Variants in PRR16 observed in about 807,000 individuals in gnomAD.
The protein encoded by PRR16 is proline rich 16, also known as protein Largen.
In PRR16, 6 loss-of-function variants were observed where a neutral mutation model predicts 18.2. The observed-to-expected ratio is 0.33, with a 90% confidence interval of 0.18 to 0.65. The LOEUF (loss-of-function observed/expected upper bound fraction) is 0.65, where lower values mean the gene tolerates loss of function less well. PRR16 is among the 30% of genes least tolerant of loss of function. The pLI, the probability that PRR16 is intolerant of heterozygous loss-of-function variation, is 0.74. For missense variants in PRR16, 412 were observed against 376.6 expected, an observed-to-expected ratio of 1.09 and a Z score of -0.78; for synonymous variants, 151 against 147.8, an observed-to-expected ratio of 1.02 and a Z score of -0.16.
At chr5:120,688,250 T>C (rs1757170621), downstream of PRR16, among the ~76,000 whole-genome samples, 1 of 152,190 alleles carries the variant, frequency 6.6e-6, no homozygotes, top group South Asian at 2.1e-4. Context: ...ATAGGCCTTA[T>C]TTTTTGAAGG....
chr5:120,638,221 G>C (rs1035745506), intron 1 of PRR16, among the ~76,000 whole-genome samples: 2 of 152,034 alleles, frequency 1.3e-5, no homozygotes, highest in African/African-American at 4.8e-5. Flanking sequence ...ACATGTTAGT[G>C]CTCAAAAAGT....
At chr5:120,661,044 AG>A (rs1293228911) in intron 1 of PRR16, among the ~76,000 whole-genome samples, 1 of 152,176 alleles carries the variant, frequency 6.6e-6, no homozygotes, top group African/African-American at 2.4e-5. Context: ...ATTTTAAAGT[AG>A]TCCAAGATAG....
chr5:120,499,753 A>G (rs1382472310), intron 1 of PRR16, among the ~76,000 whole-genome samples: 1 of 147,372 alleles, frequency 6.8e-6, no homozygotes, highest in Admixed American at 6.7e-5. Context: ...AGCTGTTGAT[A>G]TCTACTGATT....
chr5:120,793,535 G>A, the PRR16 span, among the ~76,000 whole-genome samples: 1 of 152,006 alleles, frequency 6.6e-6, no homozygotes, highest in African/African-American at 2.4e-5. Flanking sequence ...ATCTAGAGTT[G>A]TGCAAAGAGA....
chr5:120,643,014 A>G (rs2112860151), intron 1 of PRR16, among the ~76,000 whole-genome samples: 1 of 152,242 alleles, frequency 6.6e-6, no homozygotes, highest in South Asian at 2.1e-4. Flanking sequence ...AATTAAATGG[A>G]TAGCTTGCTC....
chr5:120,680,808 T>G (rs1166961134), intron 1 of PRR16, among the ~76,000 whole-genome samples: 1 of 152,202 alleles, frequency 6.6e-6, no homozygotes, highest in Admixed American at 6.5e-5. Flanking sequence ...GAGTGTGTGG[T>G]TTTTAGTGTT....
chr5:120,773,309 C>T, the PRR16 span, among the ~76,000 whole-genome samples: 1 of 152,262 alleles, frequency 6.6e-6, no homozygotes, highest in East Asian at 1.9e-4. Flanking sequence ...CATATGGCAG[C>T]TCTGGTCTGC....
chr5:120,656,678 A>T (rs542381374), intron 1 of PRR16, among the ~76,000 whole-genome samples: 3 of 152,006 alleles, frequency 2.0e-5, no homozygotes, highest in Admixed American at 6.6e-5. Flanking sequence ...CCACTTCTAT[A>T]ATTTTTGTGT....
the PRR16 span, among the ~76,000 whole-genome samples, chr5:120,704,008 C>T: frequency 6.6e-6 from 1 of 152,206 alleles, no homozygotes; most frequent in East Asian, 1.9e-4. Context: ...TACAGCTGGA[C>T]TTAGGTAGAC....
chr5:120,472,677 G>GA (rs1165127677), intron 1 of PRR16, among the ~76,000 whole-genome samples: 1 of 151,408 alleles, frequency 6.6e-6, no homozygotes, highest in East Asian at 1.9e-4. Flanking sequence ...CCTACAAAAA[G>GA]AAAAAAAAGA....
chr5:120,719,399 A>G, the PRR16 span, among the ~76,000 whole-genome samples: 2 of 152,022 alleles, frequency 1.3e-5, no homozygotes, highest in East Asian at 1.9e-4. Flanking sequence ...AAACATCATT[A>G]AAGTATTACA....
At chr5:120,776,506 C>G in the PRR16 span, among the ~76,000 whole-genome samples, 2 of 152,010 alleles carry the variant, frequency 1.3e-5, no homozygotes, top group African/African-American at 4.8e-5. Context: ...AATATGAGCT[C>G]TAAACATTAG....
At chr5:120,660,661 A>G (rs955346058) in intron 1 of PRR16, among the ~76,000 whole-genome samples, 2 of 152,086 alleles carry the variant, frequency 1.3e-5, no homozygotes, top group Non-Finnish European at 2.9e-5. Context: ...CTTGCTGTCA[A>G]GCCAATCTCC....
At chr5:120,513,762 CTT>C (rs1294799034) in intron 1 of PRR16, among the ~76,000 whole-genome samples, 16 of 142,034 alleles carry the variant, frequency 1.1e-4, no homozygotes, top group Admixed American at 1.4e-4. Flanking sequence ...CATCTGTTTT[CTT>C]TTTTTTTTTT....
At chr5:120,501,987 G>C (rs201155204) in intron 1 of PRR16, among the ~76,000 whole-genome samples, 1 of 120,034 alleles carries the variant, frequency 8.3e-6, no homozygotes, top group African/African-American at 3.1e-5. Flanking sequence ...AAAAAAGAAA[G>C]AAATAGCTAG....
chr5:120,764,661 T>A, the PRR16 span, among the ~76,000 whole-genome samples: 6 of 149,912 alleles, frequency 4.0e-5, no homozygotes, highest in African/African-American at 1.5e-4. Flanking sequence ...TTTATTTTAG[T>A]GTTGACAACT....
chr5:120,654,841 G>A (rs1407746360), intron 1 of PRR16, among the ~76,000 whole-genome samples: 1 of 151,726 alleles, frequency 6.6e-6, no homozygotes, highest in African/African-American at 2.4e-5. Context: ...TAGAAAAAAT[G>A]AGGGAAAAAA....
intron 1 of PRR16, among the ~76,000 whole-genome samples, chr5:120,622,627 C>T (rs1034126800): frequency 2.4e-4 from 36 of 151,880 alleles, no homozygotes; most frequent in African/African-American, 7.5e-4. Context: ...TACAGGCATG[C>T]GCCACCATGC....
chr5:120,670,400 A>G (rs1756557997), intron 1 of PRR16, among the ~76,000 whole-genome samples: 1 of 152,048 alleles, frequency 6.6e-6, no homozygotes, highest in Non-Finnish European at 1.5e-5. Context: ...ATCTCTTGGC[A>G]GATTTAAATG....
Sources: gnomAD v4.1 joint callset for allele counts (sites outside exome capture counted in the v4.1 genomes callset) on GRCh38, gnomAD v4.1.1 for gene constraint, MANE v1.5 for transcripts, NCBI Gene and HGNC (gene_info 2026-07-23, HGNC 2026-07-21) for gene names.